The following SCUBE1 variants were observed in gnomAD, a reference collection of about 807,000 sequenced individuals.
SCUBE1 encodes signal peptide, CUB domain and EGF like domain containing 1, also known as signal peptide, CUB and EGF-like domain-containing protein 1.
A neutral mutation model predicts 124.4 loss-of-function variants in SCUBE1; 59 were observed. The observed-to-expected ratio is 0.47, with a 90% CI of 0.38 to 0.59. The LOEUF (loss-of-function observed/expected upper bound fraction) is 0.59. SCUBE1 is among the 20% of genes least tolerant of loss of function. SCUBE1 has a pLI of 0.00. For missense variants in SCUBE1, 1,150 were observed against 1,371.2 expected (o/e 0.84, Z 2.55); for synonymous variants, 545 against 550.9 (o/e 0.99, Z 0.15).
chr22:43,227,629 G>A (rs1304222280), intron 9 of SCUBE1, 133 bp from the exon 10 acceptor site: 2 of 1,143,552 alleles, frequency 1.7e-6, no homozygotes, highest in Non-Finnish European at 2.5e-6. Flanking sequence ...GGATGCAGAT[G>A]AGCAGTGCAC....
rs1601820062 is a variant in SCUBE1, at chr22:43,238,690, C to G, written c.844+148G>C. 5 of 748,570 alleles carry G rather than the reference C, an allele frequency of 6.7e-6. 1 individual carries two copies. The Admixed American group carries it at 9.6e-5, about 14-fold the overall frequency. The allele number at this position is 748,570 out of a possible 1,614,324, so 46.4% of individuals were successfully genotyped here. A position where few individuals can be genotyped will look rare whatever the true frequency, so the allele number is the denominator to read the frequency against. ...CCCTCCCTCTTCCTGGCCTCTCCAA[C>G]AGCAAAGCAAATGATTGCCACGTGT... On this transcript the variant is annotated intron_variant, in intron 7 of 21. Transcript: ENST00000360835.
chr22:43,304,329 A>G (rs1473758594), intron 3 of SCUBE1, among the ~76,000 whole-genome samples: 1 of 152,278 alleles, frequency 6.6e-6, no homozygotes, highest in African/African-American at 2.4e-5. Flanking sequence ...GCAAGGCACC[A>G]CACTGGTGCA....
chr22:43,323,036 T>G (rs1926608659), intron 2 of SCUBE1, among the ~76,000 whole-genome samples: 2 of 152,214 alleles, frequency 1.3e-5, no homozygotes, highest in African/African-American at 2.4e-5. Context: ...CAAAGGTCTT[T>G]CAGTCTAGGA....
intron 6 of SCUBE1, among the ~76,000 whole-genome samples, chr22:43,243,365 G>A (rs903891722): frequency 1.3e-5 from 2 of 152,218 alleles, no homozygotes; most frequent in African/African-American, 2.4e-5. Context: ...GCTGGGGCTC[G>A]AAAGCATGTG....
intron 3 of SCUBE1, among the ~76,000 whole-genome samples, chr22:43,295,483 T>G (rs1307067695): frequency 6.6e-6 from 1 of 152,002 alleles, no homozygotes; most frequent in African/African-American, 2.4e-5. Flanking sequence ...CACACACCAG[T>G]GCCAGGGAGC....
Position 43,231,801 on chromosome 22 carries a change from C to T in SCUBE1, c.919G>A (p.Gly307Ser), listed in dbSNP as rs769028527. The T allele has an allele frequency of 8.7e-5, 141 of 1,612,138 alleles. No homozygotes were observed. The highest frequency in any genetic ancestry group is 1.2e-4 in the Admixed American group (7 of 59,872). ...AGCAGCTTGTAGCCCTTCCGGCAGC[C>T]GCACTCGAAGCTGCCCACGGTGTTG... ...CRNTVGSFEC[G>S]CRKGYKLLTD... The change falls in exon 8 of 22, where the codon GGC becomes AGC. Residue 307 changes from glycine to serine, a missense_variant. By Grantham distance (56) the Gly-to-Ser change is moderately conservative. Coordinates refer to ENST00000360835, the MANE Select transcript of SCUBE1 (RefSeq NM_173050.5).
intron 3 of SCUBE1, among the ~76,000 whole-genome samples, chr22:43,293,259 G>A (rs548773903): frequency 1.2e-4 from 19 of 152,364 alleles, no homozygotes; most frequent in Admixed American, 4.6e-4. Context: ...TGTGTTAGGC[G>A]CAGGCCCACG....
At chr22:43,266,079 C>T (rs1243199804) in intron 4 of SCUBE1, among the ~76,000 whole-genome samples, 2 of 151,764 alleles carry the variant, frequency 1.3e-5, no homozygotes, top group Non-Finnish European at 2.9e-5. Context: ...GCAGCCAGGG[C>T]GACAGAGTGA....
chr22:43,245,388 C>T (rs930450528), intron 6 of SCUBE1, among the ~76,000 whole-genome samples: 11 of 152,314 alleles, frequency 7.2e-5, no homozygotes, highest in East Asian at 1.9e-4. Flanking sequence ...GGGGGGGTGC[C>T]GGCTGGGTCT....
At chr22:43,209,058 G>T (rs1042667068) in intron 19 of SCUBE1, among the ~76,000 whole-genome samples, 4 of 152,228 alleles carry the variant, frequency 2.6e-5, no homozygotes, top group African/African-American at 9.6e-5. Flanking sequence ...TCCCAGGCCG[G>T]TCCCTTGCCC....
chr22:43,278,873 G>A (rs1924643758), intron 4 of SCUBE1, among the ~76,000 whole-genome samples: 1 of 152,178 alleles, frequency 6.6e-6, no homozygotes. Context: ...AGCTCCAGGA[G>A]GGTGGAGCTG....
intron 4 of SCUBE1, among the ~76,000 whole-genome samples, chr22:43,263,185 T>A (rs5759236): frequency 0.16 from 25,044 of 152,108 alleles, 2,572 homozygotes; most frequent in East Asian, 0.36. Flanking sequence ...TACTTTTGTG[T>A]CAGGGTGATT....
chr22:43,294,047 C>A (rs1332592545), intron 3 of SCUBE1, among the ~76,000 whole-genome samples: 2 of 152,030 alleles, frequency 1.3e-5, no homozygotes, highest in African/African-American at 2.4e-5. Context: ...AACAATGACT[C>A]GCCAGTGCTG....
At chr22:43,219,670 C>T (rs1234148207) in intron 14 of SCUBE1, among the ~76,000 whole-genome samples, 1 of 152,068 alleles carries the variant, frequency 6.6e-6, no homozygotes, top group Non-Finnish European at 1.5e-5. Flanking sequence ...GACAGGGTTT[C>T]ACCATGTTGG....
chr22:43,325,095 T>G, intron 2 of SCUBE1, among the ~76,000 whole-genome samples: 1 of 151,006 alleles, frequency 6.6e-6, no homozygotes, highest in African/African-American at 2.4e-5. Context: ...AAGGCAGAGA[T>G]TGGAGTGAGG....
intron 6 of SCUBE1, among the ~76,000 whole-genome samples, chr22:43,241,262 T>C: frequency 6.6e-6 from 1 of 152,192 alleles, no homozygotes; most frequent in Middle Eastern, 3.4e-3. Context: ...TTAGGGCCCG[T>C]TCTTGGGTGC....
At chr22:43,266,635 G>A (rs1283106404) in intron 4 of SCUBE1, among the ~76,000 whole-genome samples, 1 of 152,206 alleles carries the variant, frequency 6.6e-6, no homozygotes, top group Non-Finnish European at 1.5e-5. Context: ...GGGCCACTGG[G>A]CTCCCAGCCT....
intron 3 of SCUBE1, among the ~76,000 whole-genome samples, chr22:43,309,832 A>T (rs1926107861): frequency 6.6e-6 from 1 of 151,724 alleles, no homozygotes; most frequent in Non-Finnish European, 1.5e-5. Context: ...CTCATATCTC[A>T]TCCACTGGCT....
chr22:43,311,511 C>G (rs1455647835), intron 3 of SCUBE1, among the ~76,000 whole-genome samples: 6 of 151,656 alleles, frequency 4.0e-5, no homozygotes, highest in African/African-American at 1.5e-4. Context: ...ACCTCTGCCC[C>G]CCGGGTTCAA....
Sources: gnomAD v4.1 joint callset for allele counts (sites outside exome capture counted in the v4.1 genomes callset) on GRCh38, gnomAD v4.1.1 for gene constraint, MANE v1.5 for transcripts, NCBI Gene and HGNC (gene_info 2026-07-23, HGNC 2026-07-21) for gene names.